Variants in GAS2 observed in about 807,000 individuals in gnomAD.
The protein encoded by GAS2 is growth arrest specific 2.
GAS2 carries 20 observed loss-of-function variants against 37.5 expected under a neutral mutation model. The ratio of observed to expected loss-of-function variants is 0.53; its 90% CI spans 0.37 to 0.77. The LOEUF (loss-of-function observed/expected upper bound fraction) is 0.77, where lower values mean the gene tolerates loss of function less well. GAS2 is among the 30% of genes least tolerant of loss of function. The pLI, the probability that GAS2 is intolerant of heterozygous loss-of-function variation, is 0.00. For missense variants in GAS2, 336 were observed against 373.4 expected (o/e 0.90, Z 0.82); for synonymous variants, 144 against 132.2 (o/e 1.09, Z -0.61).
intron 5 of GAS2, among the ~76,000 whole-genome samples, chr11:22,747,638 A>G (rs1430095068): frequency 6.6e-6 from 1 of 152,114 alleles, no homozygotes; most frequent in African/African-American, 2.4e-5. Flanking sequence ...GCCAATAGAC[A>G]TGCTTGGTGT....
chr11:22,628,143 TAAAG>T (rs1858689407), intron 1 of GAS2, among the ~76,000 whole-genome samples: 1 of 152,176 alleles, frequency 6.6e-6, no homozygotes, highest in South Asian at 2.1e-4. Context: ...TTTCCCCCTC[TAAAG>T]AAAGAAAAGC....
At position 22,746,779 on chromosome 11, in the gene GAS2, TTGTACCCCAA is replaced by T. The variant is rs1853428666; in HGVS notation, c.474-2340_474-2331del. On this transcript the variant is annotated intron_variant, in intron 5 of 7. Coordinates refer to ENST00000454584, the MANE Select transcript of GAS2 (RefSeq NM_001143830.3). Reference sequence around the variant, plus strand: ...ATCACTACCTGGGTAATGGGATCATTTGTACCCCAAACCTCAACATTATGCAATATACCCA... The same window carrying T: ...ATCACTACCTGGGTAATGGGATCATTACCTCAACATTATGCAATATACCCA... 3.9e-5 allele frequency among the ~76,000 whole-genome samples: 6 copies of T among 152,234 alleles called. No homozygotes were observed. The South Asian group carries it at 1.2e-3, about 32-fold the overall frequency.
intron 4 of GAS2, among the ~76,000 whole-genome samples, chr11:22,727,410 C>T (rs922906745): frequency 1.3e-5 from 2 of 152,014 alleles, no homozygotes; most frequent in Non-Finnish European, 2.9e-5. Context: ...GCCAAAATGC[C>T]TATTGCCCCT....
chr11:22,677,203 A>G (rs1444214112), intron 2 of GAS2, among the ~76,000 whole-genome samples: 1 of 152,180 alleles, frequency 6.6e-6, no homozygotes, highest in Non-Finnish European at 1.5e-5. Flanking sequence ...GCAAAGGATC[A>G]GAGGGCTTGG....
At chr11:22,746,247 G>T (rs1000650622) in intron 5 of GAS2, among the ~76,000 whole-genome samples, 1 of 152,094 alleles carries the variant, frequency 6.6e-6, no homozygotes, top group Non-Finnish European at 1.5e-5. Flanking sequence ...GACAAGGGAA[G>T]ACTTATACAC....
chr11:22,764,889 C>G (rs1854606247), intron 7 of GAS2, among the ~76,000 whole-genome samples: 1 of 152,202 alleles, frequency 6.6e-6, no homozygotes. Context: ...TACTCATCTC[C>G]AACTCAGTTA....
At chr11:22,645,339 C>T (rs1411509877) in intron 1 of GAS2, among the ~76,000 whole-genome samples, 1 of 152,026 alleles carries the variant, frequency 6.6e-6, no homozygotes, top group African/African-American at 2.4e-5. Context: ...GAAACCCTGT[C>T]TCTACTAAAA....
At chr11:22,714,713 C>T (rs1851577033) in intron 3 of GAS2, among the ~76,000 whole-genome samples, 5 of 152,072 alleles carry the variant, frequency 3.3e-5, no homozygotes. Context: ...CCAAATAGAA[C>T]CCTTAAAGCT....
At chr11:22,739,182 G>T (rs190192430) in intron 5 of GAS2, among the ~76,000 whole-genome samples, 1 of 152,106 alleles carries the variant, frequency 6.6e-6, no homozygotes, top group East Asian at 1.9e-4. Context: ...TCTAGCACCC[G>T]GCCACACCTA....
chr11:22,715,878 A>G (rs1565105473), intron 3 of GAS2, among the ~76,000 whole-genome samples: 1 of 151,982 alleles, frequency 6.6e-6, no homozygotes, highest in Non-Finnish European at 1.5e-5. Flanking sequence ...AAAACCAGGA[A>G]AGAACATAAC....
intron 5 of GAS2, among the ~76,000 whole-genome samples, chr11:22,746,874 A>C (rs951669598): frequency 2.0e-5 from 3 of 152,184 alleles, no homozygotes; most frequent in Non-Finnish European, 4.4e-5. Context: ...TATTTAAAAA[A>C]TAAAAAAATT....
intron 4 of GAS2, among the ~76,000 whole-genome samples, chr11:22,732,901 A>C (rs1339748968): frequency 6.6e-6 from 1 of 151,734 alleles, no homozygotes; most frequent in African/African-American, 2.4e-5. Context: ...ATATGTAGGA[A>C]TTATAACTAC....
intron 1 of GAS2, among the ~76,000 whole-genome samples, chr11:22,652,197 G>T (rs988099062): frequency 6.6e-6 from 1 of 152,188 alleles, no homozygotes; most frequent in Non-Finnish European, 1.5e-5. Context: ...GTGTCAGTGT[G>T]CCCCTGCTGG....
intron 7 of GAS2, among the ~76,000 whole-genome samples, chr11:22,785,706 A>G (rs953774557): frequency 1.3e-5 from 2 of 152,014 alleles, no homozygotes; most frequent in Non-Finnish European, 2.9e-5. Context: ...CTTGCCATTC[A>G]AAGTCCTAGA....
chr11:22,732,352 T>C (rs1443269456), intron 4 of GAS2, among the ~76,000 whole-genome samples: 1 of 151,674 alleles, frequency 6.6e-6, no homozygotes, highest in Non-Finnish European at 1.5e-5. Context: ...TTCAATTCTG[T>C]AGGGCTTCCA....
At chr11:22,630,403 G>A (rs1418985258) in intron 1 of GAS2, among the ~76,000 whole-genome samples, 1 of 152,108 alleles carries the variant, frequency 6.6e-6, no homozygotes, top group African/African-American at 2.4e-5. Flanking sequence ...AGAACTTCAT[G>A]TCTAAAACAC....
At chr11:22,637,258 A>AGT in intron 1 of GAS2, among the ~76,000 whole-genome samples, 1 of 12,428 alleles carries the variant, frequency 8.0e-5, no homozygotes, top group African/African-American at 1.9e-4. Flanking sequence ...ATAGTATACT[A>AGT]ATATATTAAT....
intron 3 of GAS2, among the ~76,000 whole-genome samples, chr11:22,718,746 A>G (rs2134125028): frequency 6.6e-6 from 1 of 152,172 alleles, no homozygotes; most frequent in Non-Finnish European, 1.5e-5. Flanking sequence ...TTTTTTAGAT[A>G]GGCTCACCAA....
intron 7 of GAS2, among the ~76,000 whole-genome samples, chr11:22,767,598 G>A (rs990041127): frequency 2.6e-5 from 4 of 152,086 alleles, no homozygotes; most frequent in African/African-American, 7.2e-5. Context: ...TGCATAATGT[G>A]TTGTGTTCTT....
Sources: gnomAD v4.1 joint callset for allele counts (sites outside exome capture counted in the v4.1 genomes callset) on GRCh38, gnomAD v4.1.1 for gene constraint, MANE v1.5 for transcripts, NCBI Gene and HGNC (gene_info 2026-07-23, HGNC 2026-07-21) for gene names.